LRRC53: variants seen among roughly 807,000 people sequenced by gnomAD.
LRRC53 encodes the protein leucine-rich repeat-containing protein 53.
LRRC53 carries 25 observed loss-of-function variants against 13.6 expected under a neutral mutation model. That is an observed-to-expected ratio of 1.83 (90% confidence interval 1.34 to 2.56). The LOEUF (loss-of-function observed/expected upper bound fraction) is 2.56, where lower values mean the gene tolerates loss of function less well. Among genes scored for constraint, LRRC53 ranks in the 30% most tolerant of loss-of-function variants. The probability of loss-of-function intolerance (pLI) is 0.00; values close to 1 mark genes in which losing one functional copy is unlikely to be tolerated. For missense variants in LRRC53, 527 were observed against 275.8 expected (o/e 1.91, Z -6.45); for synonymous variants, 204 against 109.8 (o/e 1.86, Z -5.37).
chr1:74,497,883 C>T (rs1332811992), intron 1 of LRRC53, among the ~76,000 whole-genome samples: 1 of 152,158 alleles, frequency 6.6e-6, no homozygotes, highest in Non-Finnish European at 1.5e-5. Context: ...CTCAGTGATA[C>T]ACGTTTTCAT....
intron 1 of LRRC53, among the ~76,000 whole-genome samples, chr1:74,512,019 C>A (rs769639947): frequency 1.3e-5 from 2 of 152,174 alleles, no homozygotes; most frequent in African/African-American, 2.4e-5. Flanking sequence ...AGGAAGAGGG[C>A]AGCTTTCCTT....
At position 74,471,891 on chromosome 1, in the gene LRRC53, C is replaced by T; in HGVS notation, c.1731G>A (p.Val577=). Residue 577 remains valine (V), a synonymous_variant, in exon 5 of 5, where the codon GTG becomes GTA. Transcript: ENST00000294635. ...TGTAATCTTCAAATTGCTCACAGGG[C>T]ACATATTTACAGATAAGAGAATTGT... ...QPNNSLICKY[V]PCEQFEDYMK... 2.1e-6 allele frequency: 1 copy of T among 482,868 alleles called. No individual in the cohort carries two copies. The highest frequency in any genetic ancestry group is 3.2e-5 in the East Asian group (1 of 30,854). The allele number at this position is 482,868 out of a possible 1,614,324, so 29.9% of individuals were successfully genotyped here.
chr1:74,501,004 C>T (rs559735045), intron 1 of LRRC53, among the ~76,000 whole-genome samples: 3 of 152,222 alleles, frequency 2.0e-5, no homozygotes, highest in Non-Finnish European at 4.4e-5. Context: ...TGAAAATTGA[C>T]ATCTTTCATA....
At position 74,489,434 on chromosome 1, in the gene LRRC53, A is replaced by G. The variant is rs373810433; in HGVS notation, c.-26-6059T>C. 1.3e-4 allele frequency among the ~76,000 whole-genome samples: 20 copies of G among 152,342 alleles called. No homozygotes were observed. In the South Asian group the frequency reaches 3.7e-3, roughly 28 times the overall value. On this transcript the variant is annotated intron_variant, in intron 1 of 4. Coordinates refer to ENST00000294635, the MANE Select transcript of LRRC53 (RefSeq NM_001382280.1). ...TAGCTGTATCTACAGGGACAAAGGC[A>G]AAGTCAGAGTGAATTCGAGACCTTC...
intron 1 of LRRC53, among the ~76,000 whole-genome samples, chr1:74,494,773 A>G (rs940436786): frequency 4.6e-5 from 7 of 152,214 alleles, no homozygotes; most frequent in African/African-American, 1.7e-4. Flanking sequence ...TAAAATACTG[A>G]TAATAATACC....
At chr1:74,479,466 T>C (rs1230026649) in intron 3 of LRRC53, among the ~76,000 whole-genome samples, 1 of 152,170 alleles carries the variant, frequency 6.6e-6, no homozygotes, top group African/African-American at 2.4e-5. Flanking sequence ...ACAGAAATCT[T>C]AGAAGAATTC....
At chr1:74,531,514 A>C in the LRRC53 span, among the ~76,000 whole-genome samples, 1 of 152,170 alleles carries the variant, frequency 6.6e-6, no homozygotes, top group African/African-American at 2.4e-5. Flanking sequence ...AAAGCATAGA[A>C]AGGCATTTAC....
intron 1 of LRRC53, among the ~76,000 whole-genome samples, chr1:74,505,708 A>G (rs1303402041): frequency 6.6e-6 from 1 of 152,236 alleles, no homozygotes; most frequent in Non-Finnish European, 1.5e-5. Context: ...ATTTCTCATT[A>G]TCTCCTTGGA....
the LRRC53 span, among the ~76,000 whole-genome samples, chr1:74,519,862 G>A: frequency 0.02 from 3,107 of 152,278 alleles, 114 homozygotes; most frequent in African/African-American, 0.07. Context: ...CCCTGTGGCA[G>A]TGTGGGTGTC....
At chr1:74,503,378 A>T (rs1669732041) in intron 1 of LRRC53, among the ~76,000 whole-genome samples, 1 of 152,232 alleles carries the variant, frequency 6.6e-6, no homozygotes, top group South Asian at 2.1e-4. Context: ...CTGATTTGAA[A>T]TATGATATCT....
the LRRC53 span, among the ~76,000 whole-genome samples, chr1:74,527,290 C>T: frequency 6.6e-6 from 1 of 152,162 alleles, no homozygotes; most frequent in Non-Finnish European, 1.5e-5. Flanking sequence ...TAAAAAGAAT[C>T]AGAGTAAACA....
the LRRC53 span, among the ~76,000 whole-genome samples, chr1:74,520,036 A>T: frequency 5.3e-5 from 8 of 152,162 alleles, no homozygotes; most frequent in Non-Finnish European, 1.0e-4. Context: ...TTTGGGGAAC[A>T]GGTGGTATTT....
chr1:74,478,979 T>C (rs139277121), intron 3 of LRRC53, among the ~76,000 whole-genome samples: 9 of 152,324 alleles, frequency 5.9e-5, no homozygotes, highest in African/African-American at 1.9e-4. Flanking sequence ...TGATGGTAGT[T>C]CCATTGTCTA....
intron 4 of LRRC53, among the ~76,000 whole-genome samples, chr1:74,473,954 C>CT (rs1421815004): frequency 2.6e-5 from 4 of 152,070 alleles, no homozygotes; most frequent in Non-Finnish European, 5.9e-5. Flanking sequence ...GGCAATTTTT[C>CT]TTTACCGATT....
intron 1 of LRRC53, chr1:74,489,149 T>C (rs1668911991): frequency 1.9e-6 from 3 of 1,581,416 alleles, no homozygotes; most frequent in Non-Finnish European, 2.6e-6. Flanking sequence ...TCTCCTTCCT[T>C]TTATTCTTAA....
chr1:74,490,473 T>C (rs1669011647), intron 1 of LRRC53, among the ~76,000 whole-genome samples: 1 of 152,232 alleles, frequency 6.6e-6, no homozygotes, highest in Non-Finnish European at 1.5e-5. Context: ...GAATCCACCA[T>C]GATAGGATCT....
At chr1:74,488,335 A>G (rs753771166) in intron 1 of LRRC53, among the ~76,000 whole-genome samples, 12 of 152,166 alleles carry the variant, frequency 7.9e-5, no homozygotes, top group Non-Finnish European at 1.8e-4. Flanking sequence ...TAAGGGAAGC[A>G]GTGTTCTCAG....
At chr1:74,497,525 T>C (rs1669389067) in intron 1 of LRRC53, among the ~76,000 whole-genome samples, 1 of 151,810 alleles carries the variant, frequency 6.6e-6, no homozygotes, top group Non-Finnish European at 1.5e-5. Flanking sequence ...CTTCTTGTTG[T>C]TTCTACAATC....
intron 3 of LRRC53, among the ~76,000 whole-genome samples, chr1:74,478,417 A>G (rs1397632163): frequency 6.6e-6 from 1 of 152,234 alleles, no homozygotes; most frequent in Admixed American, 6.5e-5. Context: ...CAATACTAAT[A>G]AAGAACTGTT....
Sources: gnomAD v4.1 joint callset for allele counts (sites outside exome capture counted in the v4.1 genomes callset) on GRCh38, gnomAD v4.1.1 for gene constraint, MANE v1.5 for transcripts, NCBI Gene and HGNC (gene_info 2026-07-23, HGNC 2026-07-21) for gene names.